The following ATXN7L1 variants were observed in gnomAD, a reference collection of about 807,000 sequenced individuals.
ATXN7L1 encodes ataxin-7-like protein 1.
A neutral mutation model predicts 70.8 loss-of-function variants in ATXN7L1; 15 were observed. That is an observed-to-expected ratio of 0.21 (90% confidence interval 0.14 to 0.33). The LOEUF (loss-of-function observed/expected upper bound fraction) is 0.33, where lower values mean the gene tolerates loss of function less well. Ranked by LOEUF, ATXN7L1 falls within the 10% of genes least tolerant of loss-of-function variation. The pLI is 1.00. For missense variants in ATXN7L1, 975 were observed against 1,097.1 expected, an observed-to-expected ratio of 0.89 and a Z score of 1.57; for synonymous variants, 440 against 445.1, an observed-to-expected ratio of 0.99 and a Z score of 0.14.
Position 105,642,985 on chromosome 7 carries a change from G to T in ATXN7L1, c.715C>A (p.Pro239Thr). The T allele has an allele frequency of 6.4e-7, 1 of 1,551,840 alleles. No homozygotes were observed. Reference sequence around the variant, plus strand: ...GACATCAGGACAGGCTTAATTAAAGGAGGGGTGGAGACGGCAGAGGACGAG... The same window carrying T: ...GACATCAGGACAGGCTTAATTAAAGTAGGGGTGGAGACGGCAGAGGACGAG... ...STSSSAVSTPPLIKPVLMSKS... is the reference protein window; with the variant it reads ...STSSSAVSTPTLIKPVLMSKS... The change falls in exon 5 of 12, where the codon CCT becomes ACT. Residue 239 changes from proline to threonine, a missense_variant. This residue lies in a region of ATXN7L1 where 192 missense variants were observed against 215.5 expected (regional missense o/e 0.89). Transcript: ENST00000419735.
chr7:105,702,384 T>G (rs1328161301), intron 3 of ATXN7L1, among the ~76,000 whole-genome samples: 1 of 152,148 alleles, frequency 6.6e-6, no homozygotes, highest in African/African-American at 2.4e-5. Flanking sequence ...AATACAGAAA[T>G]CATATAATTT....
chr7:105,758,129 C>T (rs542698294), intron 3 of ATXN7L1, among the ~76,000 whole-genome samples: 219 of 152,268 alleles, frequency 1.4e-3, no homozygotes, highest in African/African-American at 4.9e-3. Flanking sequence ...TTTCCCACCT[C>T]GGCCTCTAAG....
chr7:105,795,666 G>A (rs1805883281), intron 2 of ATXN7L1, among the ~76,000 whole-genome samples: 1 of 152,200 alleles, frequency 6.6e-6, no homozygotes, highest in Admixed American at 6.5e-5. Flanking sequence ...CAGATGTACA[G>A]AGAAGCTGCA....
At chr7:105,623,159 G>C (rs185198184) in intron 8 of ATXN7L1, among the ~76,000 whole-genome samples, 1 of 152,326 alleles carries the variant, frequency 6.6e-6, no homozygotes, top group East Asian at 1.9e-4. Flanking sequence ...AGGAAAGGAA[G>C]TGAACTTGGC....
chr7:105,723,587 A>G (rs1795452719), intron 3 of ATXN7L1, among the ~76,000 whole-genome samples: 1 of 152,148 alleles, frequency 6.6e-6, no homozygotes, highest in Admixed American at 6.5e-5. Context: ...GAGAGGCCAC[A>G]AAGAATTTAA....
In ATXN7L1 at chr7:105,607,580, A is replaced by G; in HGVS notation, c.*272T>C. ...TCAGGAGCTAGGGGAGTGACCCCAA[A>G]TTTGGAAGAATGTAAAAACATGGCA... On this transcript the variant is annotated 3_prime_UTR_variant, in exon 12 of 12. Transcript: ENST00000419735. 1 of 503,868 alleles carries G rather than the reference A, an allele frequency of 2.0e-6. No individual in the cohort carries two copies. Among genetic ancestry groups the G allele is most frequent in the South Asian group, 2.7e-5 (1 of 37,426 alleles). The allele number at this position is 503,868 out of a possible 1,614,324, so 31.2% of individuals were successfully genotyped here.
intron 3 of ATXN7L1, among the ~76,000 whole-genome samples, chr7:105,732,613 A>T (rs1047007764): frequency 6.6e-6 from 1 of 152,138 alleles, no homozygotes; most frequent in African/African-American, 2.4e-5. Flanking sequence ...AGTTGTTCTG[A>T]GTGGGCATTG....
intron 11 of ATXN7L1, 108 bp from the exon 12 acceptor site, chr7:105,607,998 T>C: frequency 9.9e-7 from 1 of 1,008,622 alleles, no homozygotes; most frequent in South Asian, 1.4e-5. Flanking sequence ...GAAAGGACAA[T>C]ATCCCACCTC....
chr7:105,624,099 G>A lies in ATXN7L1; in HGVS notation c.1371C>T (p.Ser457=). 6 of 1,496,788 alleles carry A rather than the reference G, an allele frequency of 4.0e-6. No individual in the cohort carries two copies. The highest frequency in any genetic ancestry group is 5.4e-6 in the Non-Finnish European group (6 of 1,115,254). 92.7% of individuals were successfully genotyped at this position (1,496,788 alleles called of 1,614,324 possible). A position where few individuals can be genotyped will look rare whatever the true frequency, so the allele number is the denominator to read the frequency against. The change falls in exon 8 of 12, where the codon TCC becomes TCT. Residue 457 remains serine (S), a synonymous_variant. Coordinates refer to ENST00000419735, the MANE Select transcript of ATXN7L1 (RefSeq NM_020725.2). ...DESEKLDCQF[S]THHPRPLAFC... is the part of the protein sequence containing the mutation. Reference sequence around the variant, plus strand: ...CCGCCAGAGGTCTGGGGTGGTGCGTGGAGAACTGACAGTCTAGCTTCTCGG... The same window carrying A: ...CCGCCAGAGGTCTGGGGTGGTGCGTAGAGAACTGACAGTCTAGCTTCTCGG...
chr7:105,832,716 A>G (rs115348498), intron 2 of ATXN7L1, among the ~76,000 whole-genome samples: 148 of 152,304 alleles, frequency 9.7e-4, no homozygotes, highest in African/African-American at 3.5e-3. Flanking sequence ...CATGTCCAGA[A>G]CGGAACTACT....
chr7:105,679,938 G>A lies in ATXN7L1; in HGVS notation c.356-14650C>T, dbSNP rs904324686. Among the ~76,000 whole-genome samples, 6 of 151,758 alleles carry A rather than the reference G, an allele frequency of 4.0e-5. No individual in the cohort carries two copies. The South Asian group carries it at 1.0e-3, about 26-fold the overall frequency. On this transcript the variant is annotated intron_variant, in intron 3 of 11. Transcript: ENST00000419735. Reference sequence around the variant, plus strand: ...TTTCACCTCAATTAAAAAAAAAACAGTGGCAAAGTACGCTTTGCGCATCTT... The same window carrying A: ...TTTCACCTCAATTAAAAAAAAAACAATGGCAAAGTACGCTTTGCGCATCTT...
At chr7:105,759,489 T>TGC (rs397742406) in intron 3 of ATXN7L1, among the ~76,000 whole-genome samples, 5 of 150,794 alleles carry the variant, frequency 3.3e-5, no homozygotes, top group African/African-American at 1.2e-4. Flanking sequence ...TGTGTGTGTG[T>TGC]GTATGTCAGA....
chr7:105,608,094 G>C (rs1792842353), intron 11 of ATXN7L1, among the ~76,000 whole-genome samples: 1 of 152,206 alleles, frequency 6.6e-6, no homozygotes, highest in African/African-American at 2.4e-5. Context: ...ATCCATGCAT[G>C]TAAGGCAGTC....
chr7:105,678,974 G>T, intron 3 of ATXN7L1: 2 of 736,186 alleles, frequency 2.7e-6, no homozygotes, highest in Non-Finnish European at 3.3e-6. Flanking sequence ...TGATCTGCCT[G>T]CCAGGATCTC....
chr7:105,744,513 T>A (rs1352464624), intron 3 of ATXN7L1, among the ~76,000 whole-genome samples: 1 of 152,006 alleles, frequency 6.6e-6, no homozygotes, highest in Non-Finnish European at 1.5e-5. Context: ...ACTGTCCTGA[T>A]CTCCCTCTGG....
intron 2 of ATXN7L1, among the ~76,000 whole-genome samples, chr7:105,856,050 G>A (rs1460108057): frequency 6.6e-6 from 1 of 152,142 alleles, no homozygotes; most frequent in East Asian, 1.9e-4. Flanking sequence ...TTTAGTACTT[G>A]AAAACCATTA....
chr7:105,644,839 G>A (rs505895), intron 4 of ATXN7L1, among the ~76,000 whole-genome samples: 75,611 of 152,110 alleles, frequency 0.5, 18,948 homozygotes, highest in African/African-American at 0.54. Context: ...TCATAGCAGC[G>A]TTATTCACAA....
intron 3 of ATXN7L1, among the ~76,000 whole-genome samples, chr7:105,787,728 T>C (rs1317560431): frequency 6.6e-6 from 1 of 152,220 alleles, no homozygotes; most frequent in East Asian, 1.9e-4. Context: ...TGCTTTGACT[T>C]TTTTTAGGCA....
At chr7:105,813,408 G>C (rs1473580838) in intron 2 of ATXN7L1, among the ~76,000 whole-genome samples, 1 of 148,402 alleles carries the variant, frequency 6.7e-6, no homozygotes, top group African/African-American at 2.5e-5. Flanking sequence ...CACAATCTCA[G>C]TTCAATGCAA....
Sources: gnomAD v4.1 joint callset for allele counts (sites outside exome capture counted in the v4.1 genomes callset) on GRCh38, gnomAD v4.1.1 for gene constraint, gnomAD v4.1.1 regional missense constraint, MANE v1.5 for transcripts, NCBI Gene and HGNC (gene_info 2026-07-23, HGNC 2026-07-21) for gene names.